IL1RAPL1: variants seen among roughly 807,000 people sequenced by gnomAD.
IL1RAPL1 encodes interleukin 1 receptor accessory protein like 1.
A neutral mutation model predicts 48.4 loss-of-function variants in IL1RAPL1; 3 were observed. The observed-to-expected ratio is 0.06, with a 90% CI of 0.03 to 0.16. IL1RAPL1 has a LOEUF of 0.16. Ranked by LOEUF, IL1RAPL1 falls within the 10% of genes least tolerant of loss-of-function variation. IL1RAPL1 has a pLI of 1.00. For synonymous variants in IL1RAPL1, 185 were observed against 187.7 expected, an observed-to-expected ratio of 0.99 and a Z score of 0.12; for missense variants, 349 against 530.6, an observed-to-expected ratio of 0.66 and a Z score of 3.36.
In IL1RAPL1 at chrX:29,795,141, G is replaced by A. The variant is rs180896289; in HGVS notation, c.779-122323G>A. ...AACTATAATGTTACATCCACATTAC[G>A]GAGATATTAATTGAAATAAGTAATA... On this transcript the variant is annotated intron_variant, in intron 6 of 10. Coordinates refer to ENST00000378993, the MANE Select transcript of IL1RAPL1 (RefSeq NM_014271.4). 1.9e-4 allele frequency among the ~76,000 whole-genome samples: 21 copies of A among 111,590 alleles called. No individual in the cohort carries two copies. In the East Asian group the frequency reaches 3.1e-3, roughly 16 times the overall value.
At chrX:28,746,989 G>A (rs905979146) in intron 1 of IL1RAPL1, among the ~76,000 whole-genome samples, 4 of 109,604 alleles carry the variant, frequency 3.6e-5, no homozygotes, top group East Asian at 2.9e-4. Flanking sequence ...TCTCTTTTTC[G>A]TCTTTCTACT....
chrX:29,524,963 A>G (rs1400337308), intron 5 of IL1RAPL1, among the ~76,000 whole-genome samples: 1 of 112,474 alleles, frequency 8.9e-6, no homozygotes, highest in Non-Finnish European at 1.9e-5. Flanking sequence ...AAATAATATC[A>G]GAAGTGTTTC....
chrX:28,903,831 A>G (rs1021310422), intron 2 of IL1RAPL1, among the ~76,000 whole-genome samples: 4 of 110,730 alleles, frequency 3.6e-5, no homozygotes, highest in Non-Finnish European at 5.7e-5. Flanking sequence ...GTATTTTAAG[A>G]TACTTTGTGG....
chrX:29,682,852 C>G (rs1926499537), intron 6 of IL1RAPL1, among the ~76,000 whole-genome samples: 1 of 111,691 alleles, frequency 9.0e-6, no homozygotes, highest in South Asian at 3.7e-4. Context: ...TTGAAGATTC[C>G]CCTTCATGGA....
intron 5 of IL1RAPL1, among the ~76,000 whole-genome samples, chrX:29,419,190 G>C (rs932844025): frequency 1.8e-5 from 2 of 111,786 alleles, no homozygotes; most frequent in Non-Finnish European, 3.8e-5. Context: ...TGAAACAAAG[G>C]CCAGGCAGTT....
chrX:28,680,636 A>G (rs1288138452), intron 1 of IL1RAPL1, among the ~76,000 whole-genome samples: 1 of 111,070 alleles, frequency 9.0e-6, no homozygotes, highest in Non-Finnish European at 1.9e-5. Context: ...TTCTATACCT[A>G]TTTTGTTGAG....
chrX:29,852,268 A>C (rs749308921), intron 6 of IL1RAPL1, among the ~76,000 whole-genome samples: 1 of 112,482 alleles, frequency 8.9e-6, no homozygotes, highest in African/African-American at 3.2e-5. Context: ...TTAATGAATA[A>C]GCTCATTGAA....
rs781582112 is a variant in IL1RAPL1 at position 28,955,597 on chromosome X, C to T, written c.82+166172C>T. 2.2e-3 allele frequency among the ~76,000 whole-genome samples: 237 copies of T among 107,248 alleles called. 1 individual carries two copies. Among genetic ancestry groups the T allele is most frequent in the African/African-American group, 7.5e-3 (220 of 29,251 alleles). The allele number at this position is 107,248 out of a possible 115,157, so 93.1% of individuals were successfully genotyped here. On this transcript the variant is annotated intron_variant, in intron 2 of 10. Transcript: ENST00000378993. ...CAAAGATCAGATAGTTGTAGATATG[C>T]GGCGTTATTTCTGAGGGCTCTGTTC...
chrX:29,684,398 C>T (rs147653438), intron 6 of IL1RAPL1, among the ~76,000 whole-genome samples: 420 of 111,432 alleles, frequency 3.8e-3, no homozygotes, highest in African/African-American at 0.013. Context: ...TCATCACCTC[C>T]GAAAGGCTTC....
intron 2 of IL1RAPL1, among the ~76,000 whole-genome samples, chrX:28,895,384 T>A (rs1922889402): frequency 2.9e-5 from 3 of 104,969 alleles, no homozygotes; most frequent in African/African-American, 1.1e-4. Flanking sequence ...GGGGTAAGGG[T>A]GATTAGGTTT....
intron 2 of IL1RAPL1, among the ~76,000 whole-genome samples, chrX:29,049,921 C>G (rs1020201534): frequency 1.8e-5 from 2 of 111,848 alleles, no homozygotes; most frequent in African/African-American, 6.5e-5. Context: ...AAACTAAACT[C>G]CAGACTTCAT....
intron 5 of IL1RAPL1, among the ~76,000 whole-genome samples, chrX:29,529,167 A>C (rs1935585767): frequency 8.9e-6 from 1 of 112,013 alleles, no homozygotes; most frequent in South Asian, 3.7e-4. Flanking sequence ...GGGATTCCAG[A>C]TTAAGAGAAA....
intron 5 of IL1RAPL1, among the ~76,000 whole-genome samples, chrX:29,440,016 TG>T (rs1934529300): frequency 9.3e-6 from 1 of 107,442 alleles, no homozygotes; most frequent in African/African-American, 3.4e-5. Context: ...TGTGTGTGTG[TG>T]TGTGTGTGAA....
chrX:28,837,279 C>A (rs1468267129), intron 2 of IL1RAPL1, among the ~76,000 whole-genome samples: 1 of 110,502 alleles, frequency 9.0e-6, no homozygotes, highest in Non-Finnish European at 1.9e-5. Context: ...GTGTTACAGT[C>A]TTTTAACCTA....
intron 5 of IL1RAPL1, among the ~76,000 whole-genome samples, chrX:29,481,701 C>T (rs1203684879): frequency 8.9e-6 from 1 of 111,800 alleles, no homozygotes; most frequent in East Asian, 2.8e-4. Flanking sequence ...TTTTTCCTGC[C>T]TCGTGGAAAC....
chrX:29,579,524 T>C (rs1922891486), intron 5 of IL1RAPL1, among the ~76,000 whole-genome samples: 1 of 112,088 alleles, frequency 8.9e-6, no homozygotes, highest in Admixed American at 9.5e-5. Flanking sequence ...CAGAAAACTT[T>C]GTACTGTATT....
chrX:29,200,252 G>A (rs1930528664), intron 2 of IL1RAPL1, among the ~76,000 whole-genome samples: 2 of 110,976 alleles, frequency 1.8e-5, no homozygotes, highest in South Asian at 3.9e-4. Flanking sequence ...TGTTATCATC[G>A]CTGTTGGGTT....
chrX:29,158,569 A>AT (rs1251501069), intron 2 of IL1RAPL1, among the ~76,000 whole-genome samples: 1 of 110,176 alleles, frequency 9.1e-6, no homozygotes, highest in Non-Finnish European at 1.9e-5. Flanking sequence ...TAGAGATGAG[A>AT]TTTTGCCATG....
chrX:29,106,469 G>A (rs183917941), intron 2 of IL1RAPL1, among the ~76,000 whole-genome samples: 3,269 of 111,397 alleles, frequency 0.029, 111 homozygotes, highest in African/African-American at 0.1. Context: ...AAATATTCTG[G>A]AAAAATATTT....
Sources: gnomAD v4.1 joint callset for allele counts (sites outside exome capture counted in the v4.1 genomes callset) on GRCh38, gnomAD v4.1.1 for gene constraint, MANE v1.5 for transcripts, NCBI Gene and HGNC (gene_info 2026-07-23, HGNC 2026-07-21) for gene names.